Variants in SPP2 observed in about 807,000 individuals in gnomAD.
SPP2 encodes secreted phosphoprotein 2, also known as secreted phosphoprotein 24.
SPP2 carries 34 observed loss-of-function variants against 28.8 expected under a neutral mutation model. The observed-to-expected ratio is 1.18, with a 90% CI of 0.90 to 1.57. The LOEUF (loss-of-function observed/expected upper bound fraction) is 1.57, where lower values mean the gene tolerates loss of function less well. SPP2 is among the 40% of genes most tolerant of loss of function. The pLI is 0.00. For missense variants in SPP2, 269 were observed against 263.9 expected, an observed-to-expected ratio of 1.02 and a Z score of -0.13; for synonymous variants, 96 against 89.4, an observed-to-expected ratio of 1.07 and a Z score of -0.42.
chr2:234,055,774 ACAATACTG>A (rs897026967), intron 2 of SPP2, among the ~76,000 whole-genome samples: 5 of 152,130 alleles, frequency 3.3e-5, no homozygotes, highest in Non-Finnish European at 7.4e-5. Flanking sequence ...GAAAAATAGG[ACAATACTG>A]TAATACTGAT....
chr2:234,059,395 A>G (rs532462459), intron 3 of SPP2, among the ~76,000 whole-genome samples: 79 of 152,298 alleles, frequency 5.2e-4, no homozygotes, highest in Non-Finnish European at 1.1e-3. Context: ...GATCAGGAAC[A>G]TGGCATGTTC....
At chr2:234,076,641 C>A (rs1174292136) in intron 7 of SPP2, among the ~76,000 whole-genome samples, 1 of 152,106 alleles carries the variant, frequency 6.6e-6, no homozygotes, top group African/African-American at 2.4e-5. Context: ...CAGCTGTGGC[C>A]AACCTACTCT....
At chr2:234,070,071 G>A (rs572958587) in intron 7 of SPP2, 48 bp downstream of exon 7, 16 of 1,492,870 alleles carry the variant, frequency 1.1e-5, no homozygotes, top group Middle Eastern at 1.7e-4. Flanking sequence ...TAGAAGCTAC[G>A]TGGAGTGAAC....
chr2:234,052,841 C>T (rs1693525782), intron 2 of SPP2, among the ~76,000 whole-genome samples: 1 of 152,114 alleles, frequency 6.6e-6, no homozygotes. Flanking sequence ...TTGATCTCTC[C>T]TGGTGATATT....
rs1693475679 is a variant in SPP2 at position 234,050,840 on chromosome 2, T to C, written c.54T>C (p.Phe18=). 1 of 1,613,996 alleles carries C rather than the reference T, an allele frequency of 6.2e-7. No homozygotes were observed. Among genetic ancestry groups the C allele is most frequent in the Non-Finnish European group, 8.5e-7 (1 of 1,179,978 alleles). ...MTMMMKILIM[F]ALGMNYWSCS... ...TGATGATGAAGATATTGATTATGTT[T>C]GCTCTTGGAATGAACTACTGGTCTT... Residue 18 remains phenylalanine (F), a synonymous_variant, in exon 1 of 8, where the codon TTT becomes TTC. Transcript: ENST00000168148.
chr2:234,052,934 CAA>C (rs1417266894), intron 2 of SPP2, among the ~76,000 whole-genome samples: 2 of 152,024 alleles, frequency 1.3e-5, no homozygotes, highest in Non-Finnish European at 2.9e-5. Flanking sequence ...TAGATGGCTC[CAA>C]ATATACCAAT....
chr2:234,075,410 C>T (rs375491007), intron 7 of SPP2, among the ~76,000 whole-genome samples: 8 of 152,146 alleles, frequency 5.3e-5, no homozygotes, highest in Admixed American at 2.0e-4. Context: ...TCCTCCTGCA[C>T]CCGTCACCGC....
chr2:234,075,173 T>C (rs965243420), intron 7 of SPP2, among the ~76,000 whole-genome samples: 1 of 151,868 alleles, frequency 6.6e-6, no homozygotes, highest in African/African-American at 2.4e-5. Flanking sequence ...TGAGAATGAG[T>C]GAGAAAGAAC....
At position 234,060,492 on chromosome 2, in the gene SPP2, C is replaced by A. The variant is rs775279315; in HGVS notation, c.444+13C>A. The A allele has an allele frequency of 1.4e-5, 22 of 1,600,940 alleles. No homozygotes were observed. The highest frequency in any genetic ancestry group is 1.7e-5 in the Non-Finnish European group (20 of 1,169,136). On this transcript the variant is annotated intron_variant, in intron 4 of 7. Coordinates refer to ENST00000168148, the MANE Select transcript of SPP2 (RefSeq NM_006944.3). ...CAGCAGCGAAGAGGTATGACTGGGGCCTTGTCTCCTCCCAGACCGCACCTC... is the reference window on the plus strand; with the variant it reads ...CAGCAGCGAAGAGGTATGACTGGGGACTTGTCTCCTCCCAGACCGCACCTC...
intron 7 of SPP2, among the ~76,000 whole-genome samples, chr2:234,072,602 C>A (rs763882378): frequency 4.6e-5 from 7 of 152,328 alleles, no homozygotes; most frequent in Non-Finnish European, 1.0e-4. Context: ...CTGACCTGAA[C>A]ATTGGATTTG....
intron 4 of SPP2, among the ~76,000 whole-genome samples, chr2:234,064,154 CTT>C (rs1212499451): frequency 9.3e-5 from 14 of 150,964 alleles, no homozygotes; most frequent in Middle Eastern, 3.5e-3. Context: ...CCCTCATTCC[CTT>C]TTCTCTCTCT....
At chr2:234,062,332 G>A (rs1693735392) in intron 4 of SPP2, among the ~76,000 whole-genome samples, 1 of 152,192 alleles carries the variant, frequency 6.6e-6, no homozygotes, top group Admixed American at 6.5e-5. Flanking sequence ...GTGTGGAGGG[G>A]GAAGGGTATT....
In SPP2 at chr2:234,069,958, A is replaced by G. The variant is rs769627245; in HGVS notation, c.581A>G (p.Asn194Ser). 6.2e-7 allele frequency: 1 copy of G among 1,613,446 alleles called. No homozygotes were observed. The highest frequency in any genetic ancestry group is 8.5e-7 in the Non-Finnish European group (1 of 1,179,574). ...GIMRRVLPPG[N>S]RRYPNHRHRA... ...ATGAGAAGGGTATTGCCTCCTGGAA[A>G]CAGAAGGTACCCAAACCACCGGCAC... Residue 194 changes from asparagine to serine, a missense_variant, in exon 7 of 8, where the codon AAC (asparagine) becomes AGC (serine). Physicochemically the swap from Asn to Ser is conservative, Grantham distance 46 (BLOSUM62 1). Coordinates refer to ENST00000168148, the MANE Select transcript of SPP2 (RefSeq NM_006944.3).
intron 2 of SPP2, among the ~76,000 whole-genome samples, chr2:234,053,065 A>G (rs1247405177): frequency 6.6e-6 from 1 of 152,214 alleles, no homozygotes; most frequent in Non-Finnish European, 1.5e-5. Context: ...GAAATACAAA[A>G]GACTAAGAAA....
At chr2:234,069,334 A>G (rs4663351) in intron 6 of SPP2, among the ~76,000 whole-genome samples, 14,464 of 152,204 alleles carry the variant, frequency 0.095, 1,046 homozygotes, top group East Asian at 0.28. Context: ...TCCTGCCCCA[A>G]TGTGGGAAGG....
Position 234,066,652 on chromosome 2 carries a change from T to C in SPP2, c.499+65T>C, listed in dbSNP as rs938195965. 3.4e-6 allele frequency: 4 copies of C among 1,185,424 alleles called. No individual in the cohort carries two copies. The African/African-American group carries it at 4.6e-5, about 14-fold the overall frequency. The allele number at this position is 1,185,424 out of a possible 1,614,324, so 73.4% of individuals were successfully genotyped here. A position where few individuals can be genotyped will look rare whatever the true frequency, so the allele number is the denominator to read the frequency against. On this transcript the variant is annotated intron_variant, in intron 5 of 7. Transcript: ENST00000168148. ...ATAACTCCATATTGCAACTCTTTGT[T>C]AGTGAGTCATTTAAAACTAGAAATA...
At chr2:234,054,094 T>C (rs948339906) in intron 2 of SPP2, among the ~76,000 whole-genome samples, 25 of 152,336 alleles carry the variant, frequency 1.6e-4, no homozygotes, top group African/African-American at 4.8e-4. Context: ...GCTGCATCTT[T>C]GAGCTAAGAC....
At chr2:234,057,363 C>T (rs1397761921) in intron 2 of SPP2, among the ~76,000 whole-genome samples, 2 of 152,196 alleles carry the variant, frequency 1.3e-5, no homozygotes, top group Non-Finnish European at 2.9e-5. Flanking sequence ...CGGAGTTGTC[C>T]CTGCCCCAGG....
intron 3 of SPP2, among the ~76,000 whole-genome samples, chr2:234,059,342 C>T (rs689395): frequency 0.87 from 133,078 of 152,194 alleles, 58,437 homozygotes; most frequent in Middle Eastern, 0.95. Context: ...TGCCATTGAC[C>T]GTTGAATGAC....
Sources: gnomAD v4.1 joint callset for allele counts (sites outside exome capture counted in the v4.1 genomes callset) on GRCh38, gnomAD v4.1.1 for gene constraint, MANE v1.5 for transcripts, NCBI Gene and HGNC (gene_info 2026-07-23, HGNC 2026-07-21) for gene names.